The following DRC2 variants were observed in gnomAD, a reference collection of about 807,000 sequenced individuals.
DRC2 encodes coiled-coil domain containing 65.
the DRC2 span, among the ~76,000 whole-genome samples, chr12:48,912,681 G>A: frequency 6.6e-6 from 1 of 152,092 alleles, no homozygotes; most frequent in Non-Finnish European, 1.5e-5. Context: ...CCTTTTGATG[G>A]GGAGTGGCAA....
At chr12:48,915,751 G>C in the DRC2 span, among the ~76,000 whole-genome samples, 1 of 139,888 alleles carries the variant, frequency 7.1e-6, no homozygotes, top group East Asian at 2.2e-4. Context: ...CTCACCTCCC[G>C]GATGGGGCGG....
At chr12:48,918,568 T>C in the DRC2 span, 23 of 1,488,818 alleles carry the variant, frequency 1.5e-5, no homozygotes, top group Admixed American at 1.5e-4. Flanking sequence ...TCACTGATCA[T>C]TGGTTGGGAA....
At chr12:48,919,371 G>C in the DRC2 span, among the ~76,000 whole-genome samples, 1 of 150,912 alleles carries the variant, frequency 6.6e-6, no homozygotes, top group South Asian at 2.1e-4. Context: ...GCTAACTTTT[G>C]TATTTTTTGT....
At chr12:48,920,441 T>TAA in the DRC2 span, among the ~76,000 whole-genome samples, 2 of 67,816 alleles carry the variant, frequency 2.9e-5, no homozygotes, top group African/African-American at 1.3e-4. Context: ...AACTCCATCT[T>TAA]AAAAAAAAAA....
chr12:48,912,487 A>G, the DRC2 span, among the ~76,000 whole-genome samples: 5 of 147,398 alleles, frequency 3.4e-5, no homozygotes, highest in African/African-American at 1.2e-4. Flanking sequence ...TTCTCACAGC[A>G]TGACTGTTAG....
At chr12:48,920,620 C>G in the DRC2 span, among the ~76,000 whole-genome samples, 1 of 149,990 alleles carries the variant, frequency 6.7e-6, no homozygotes, top group Non-Finnish European at 1.5e-5. Context: ...CTCCTGGGCT[C>G]AAGTGATCCT....
chr12:48,917,918 C>G, the DRC2 span, among the ~76,000 whole-genome samples: 2 of 152,178 alleles, frequency 1.3e-5, no homozygotes, highest in Non-Finnish European at 2.9e-5. Flanking sequence ...TTTGAATAAG[C>G]ATCCTACACT....
chr12:48,915,680 A>C, the DRC2 span, among the ~76,000 whole-genome samples: 2 of 141,812 alleles, frequency 1.4e-5, no homozygotes, highest in African/African-American at 2.7e-5. Context: ...ACTTCCCAGT[A>C]GGGGCGGCCG....
the DRC2 span, chr12:48,916,887 T>C: frequency 4.4e-5 from 60 of 1,349,092 alleles, no homozygotes; most frequent in Non-Finnish European, 3.4e-5. Context: ...ACCATTCACA[T>C]AGATTACATA....
the DRC2 span, chr12:48,904,512 C>A: frequency 1.3e-6 from 2 of 1,577,860 alleles, no homozygotes; most frequent in African/African-American, 1.4e-5. Flanking sequence ...CCATCCACCC[C>A]CTGCCCTGGC....
At chr12:48,913,502 ATTTAT>A in the DRC2 span, among the ~76,000 whole-genome samples, 18 of 148,434 alleles carry the variant, frequency 1.2e-4, no homozygotes, top group Non-Finnish European at 4.5e-5. Flanking sequence ...TTATTTATTT[ATTTAT>A]TTTGAGACCG....
the DRC2 span, among the ~76,000 whole-genome samples, chr12:48,906,302 A>ATTT: frequency 1.5e-5 from 2 of 134,916 alleles, no homozygotes; most frequent in African/African-American, 5.5e-5. Context: ...CACCTTATGG[A>ATTT]TTTTTTTTTT....
the DRC2 span, chr12:48,918,249 T>C: frequency 1.2e-6 from 2 of 1,609,086 alleles, no homozygotes; most frequent in Middle Eastern, 1.7e-4. Flanking sequence ...ATTCCAAACA[T>C]TTGCTATTTT....
At chr12:48,912,299 G>A in the DRC2 span, among the ~76,000 whole-genome samples, 648 of 150,416 alleles carry the variant, frequency 4.3e-3, 6 homozygotes, top group African/African-American at 0.014. Context: ...CCATAGTGGC[G>A]GGCTCCTGTA....
chr12:48,906,294 C>G, the DRC2 span, among the ~76,000 whole-genome samples: 1 of 151,372 alleles, frequency 6.6e-6, no homozygotes, highest in Admixed American at 6.6e-5. Flanking sequence ...ACCAGTTACA[C>G]CTTATGGATT....
chr12:48,915,130 TA>T, the DRC2 span, among the ~76,000 whole-genome samples: 6 of 146,278 alleles, frequency 4.1e-5, no homozygotes, highest in East Asian at 2.0e-4. Context: ...TTTTTTTTTT[TA>T]TTGATCATTC....
the DRC2 span, among the ~76,000 whole-genome samples, chr12:48,907,033 G>T: frequency 6.6e-6 from 1 of 151,692 alleles, no homozygotes; most frequent in Non-Finnish European, 1.5e-5. Context: ...GGCTAACATG[G>T]TGAAACCCCA....
chr12:48,913,534 C>G, the DRC2 span, among the ~76,000 whole-genome samples: 1 of 151,944 alleles, frequency 6.6e-6, no homozygotes, highest in Admixed American at 6.6e-5. Flanking sequence ...GCACTGTCAC[C>G]CGGGCTGGAG....
At chr12:48,918,532 C>T in the DRC2 span, 4 of 1,562,854 alleles carry the variant, frequency 2.6e-6, no homozygotes, top group Non-Finnish European at 3.5e-6. Context: ...CCCTCTTTTG[C>T]TTCCCCTTGT....
Sources: allele counts gnomAD v4.1 joint callset (sites outside exome capture counted in the v4.1 genomes callset), GRCh38; gene constraint gnomAD v4.1.1; transcripts MANE v1.5; gene names NCBI Gene and HGNC (gene_info 2026-07-23, HGNC 2026-07-21).